DOCK8: variants seen among roughly 807,000 people sequenced by gnomAD.
DOCK8 encodes dedicator of cytokinesis protein 8.
Under a neutral mutation model 245.6 loss-of-function variants are expected in DOCK8, and 141 were observed. The observed-to-expected ratio is 0.57, with a 90% CI of 0.50 to 0.66. DOCK8 has a LOEUF of 0.66. Among genes scored for constraint, DOCK8 ranks in the 30% least tolerant of loss-of-function variants. The probability of loss-of-function intolerance (pLI) is 0.00; values close to 1 mark genes in which losing one functional copy is unlikely to be tolerated. For missense variants in DOCK8, 2,965 were observed against 2,603.4 expected, an observed-to-expected ratio of 1.14 and a Z score of -3.02; for synonymous variants, 1,168 against 970.2, an observed-to-expected ratio of 1.20 and a Z score of -3.79.
At chr9:225,029 A>G (rs527575007) in intron 1 of DOCK8, among the ~76,000 whole-genome samples, 3 of 152,288 alleles carry the variant, frequency 2.0e-5, no homozygotes, top group Admixed American at 6.5e-5. Flanking sequence ...GGGGTATCCA[A>G]TTTACCTCCT....
intron 1 of DOCK8, among the ~76,000 whole-genome samples, chr9:221,079 G>C (rs954937683): frequency 6.6e-6 from 1 of 152,076 alleles, no homozygotes. Context: ...ACAACAGTGG[G>C]GGTATAGACG....
intron 18 of DOCK8, among the ~76,000 whole-genome samples, chr9:372,714 A>C (rs565203389): frequency 6.6e-6 from 1 of 152,100 alleles, no homozygotes; most frequent in African/African-American, 2.4e-5. Flanking sequence ...ACCAATCCCA[A>C]TGCCAATAGC....
At chr9:251,490 C>T (rs74586666) in intron 1 of DOCK8, among the ~76,000 whole-genome samples, 4,480 of 152,264 alleles carry the variant, frequency 0.029, 197 homozygotes, top group African/African-American at 0.1. Flanking sequence ...ATCCTTTCTT[C>T]TGAAAGCTTT....
intron 21 of DOCK8, chr9:380,153 G>A (rs540804669): frequency 3.4e-5 from 2 of 58,186 alleles, no homozygotes; most frequent in Non-Finnish European, 6.6e-5. Flanking sequence ...ATCGCTTGGA[G>A]CAGTGGCTCA....
chr9:247,578 G>A (rs985446360), intron 1 of DOCK8, among the ~76,000 whole-genome samples: 2 of 152,084 alleles, frequency 1.3e-5, no homozygotes, highest in Non-Finnish European at 2.9e-5. Flanking sequence ...CTGTCGCCCA[G>A]GCTGAAGTGC....
chr9:369,374 C>G (rs931628604), intron 15 of DOCK8: 4 of 152,302 alleles, frequency 2.6e-5, no homozygotes, highest in African/African-American at 9.6e-5. Context: ...GTCTGTTCTT[C>G]ATTCACTGAG....
intron 36 of DOCK8, among the ~76,000 whole-genome samples, chr9:430,572 C>T (rs1178647529): frequency 2.0e-5 from 3 of 151,466 alleles, no homozygotes; most frequent in Non-Finnish European, 2.9e-5. Context: ...ATCTTAGCTA[C>T]TGGGGAGGCT....
At chr9:377,884 T>C (rs2053584770) in intron 20 of DOCK8, among the ~76,000 whole-genome samples, 1 of 152,228 alleles carries the variant, frequency 6.6e-6, no homozygotes, top group Non-Finnish European at 1.5e-5. Flanking sequence ...CAAAAGCTTA[T>C]CCTGGAGGCA....
intron 1 of DOCK8, chr9:215,477 G>A: frequency 6.8e-7 from 1 of 1,476,926 alleles, no homozygotes; most frequent in Non-Finnish European, 9.0e-7. Context: ...GTTTGAGGCA[G>A]GCTGCAAGCC....
At chr9:325,033 A>G (rs376722276) in intron 7 of DOCK8, among the ~76,000 whole-genome samples, 36 of 152,156 alleles carry the variant, frequency 2.4e-4, no homozygotes, top group South Asian at 1.9e-3. Flanking sequence ...GCCTTTGTGT[A>G]CTCATAGCTT....
At chr9:252,190 G>T (rs567903845) in intron 1 of DOCK8, among the ~76,000 whole-genome samples, 1 of 151,916 alleles carries the variant, frequency 6.6e-6, no homozygotes, top group African/African-American at 2.4e-5. Flanking sequence ...GGTCAGGTTG[G>T]TCTCGAACTC....
rs948951659 is a variant in DOCK8, at chr9:269,609, G to A, written c.54-2018G>A. Among the ~76,000 whole-genome samples the A allele has an allele frequency of 4.1e-5, 6 of 146,674 alleles. No homozygotes were observed. The Admixed American group carries it at 4.2e-4, about 10-fold the overall frequency. ...CTTGCTCCGTCACCCAGGCTGGAGTGCAGTGGAGCAATCTCAGCTCACTGT... is the reference window on the plus strand; with the variant it reads ...CTTGCTCCGTCACCCAGGCTGGAGTACAGTGGAGCAATCTCAGCTCACTGT... On this transcript the variant is annotated intron_variant, in intron 1 of 47. Coordinates refer to ENST00000432829, the MANE Select transcript of DOCK8 (RefSeq NM_203447.4).
intron 2 of DOCK8, among the ~76,000 whole-genome samples, chr9:281,214 A>G (rs947263796): frequency 1.8e-4 from 27 of 152,228 alleles, no homozygotes; most frequent in African/African-American, 6.5e-4. Context: ...AGATCCCGCC[A>G]CTGCAGTCCA....
At chr9:347,652 C>CA (rs1378821459) in intron 14 of DOCK8, among the ~76,000 whole-genome samples, 6 of 152,162 alleles carry the variant, frequency 3.9e-5, no homozygotes, top group Non-Finnish European at 7.4e-5. Flanking sequence ...GCAGCCCAGG[C>CA]AAAATCTAGT....
At chr9:328,337 A>T (rs2050856818) in intron 9 of DOCK8, among the ~76,000 whole-genome samples, 166 bp downstream of exon 9, 1 of 152,162 alleles carries the variant, frequency 6.6e-6, no homozygotes, top group Non-Finnish European at 1.5e-5. Context: ...AAACTGTTTC[A>T]GATACTAGAA....
At position 329,595 on chromosome 9, in the gene DOCK8, G is replaced by A. The variant is rs139068940; in HGVS notation, c.1044+1424G>A. The stretch of plus-strand genomic sequence containing the variant: ...TCAAACTTCAATGTGTCTCCTTTTC[G>A]TTGCAATATTACTTAGACATACAGG... On this transcript the variant is annotated intron_variant, in intron 9 of 47. Coordinates refer to ENST00000432829, the MANE Select transcript of DOCK8 (RefSeq NM_203447.4). Among the ~76,000 whole-genome samples, 581 of 152,190 alleles carry A rather than the reference G, an allele frequency of 3.8e-3. 7 individuals carry two copies. The highest frequency in any genetic ancestry group is 0.013 in the African/African-American group (559 of 41,542).
At chr9:213,978 G>A (rs2046671417), upstream of DOCK8, 1 of 152,466 alleles carries the variant, frequency 6.6e-6, no homozygotes, top group African/African-American at 2.4e-5. Flanking sequence ...CGCCCGCCTC[G>A]GCCTCCCAAA....
At chr9:318,877 A>G (rs1316540683) in intron 7 of DOCK8, among the ~76,000 whole-genome samples, 2 of 152,354 alleles carry the variant, frequency 1.3e-5, no homozygotes, top group African/African-American at 2.4e-5. Context: ...GTCATTTGAG[A>G]TGGCAGAAAT....
chr9:404,445 C>T (rs918943923), intron 26 of DOCK8, among the ~76,000 whole-genome samples: 5 of 152,160 alleles, frequency 3.3e-5, no homozygotes, highest in Non-Finnish European at 7.4e-5. Context: ...ACTGGTTCTA[C>T]AACTTTCCAA....
Sources: gnomAD v4.1 joint callset for allele counts (sites outside exome capture counted in the v4.1 genomes callset) on GRCh38, gnomAD v4.1.1 for gene constraint, MANE v1.5 for transcripts, NCBI Gene and HGNC (gene_info 2026-07-23, HGNC 2026-07-21) for gene names.